Variants in CTNNA3 observed in about 807,000 individuals in gnomAD.
CTNNA3 encodes catenin alpha-3.
A neutral mutation model predicts 95.7 loss-of-function variants in CTNNA3; 76 were observed. The observed-to-expected ratio is 0.79, with a 90% CI of 0.66 to 0.96. CTNNA3 has a LOEUF of 0.96. CTNNA3 is among the 40% of genes least tolerant of loss of function. The probability of loss-of-function intolerance (pLI) is 0.00; values close to 1 mark genes in which losing one functional copy is unlikely to be tolerated. For synonymous variants in CTNNA3, 431 were observed against 374.4 expected (o/e 1.15, Z -1.74); for missense variants, 1,191 against 1,089.8 (o/e 1.09, Z -1.31).
At chr10:66,676,019 A>G (rs554276796) in intron 9 of CTNNA3, among the ~76,000 whole-genome samples, 4 of 152,218 alleles carry the variant, frequency 2.6e-5, no homozygotes, top group African/African-American at 9.6e-5. Context: ...TGTCTAAATC[A>G]TTGGAAGAAA....
At chr10:67,602,595 A>C (rs1843120719) in intron 3 of CTNNA3, among the ~76,000 whole-genome samples, 1 of 152,248 alleles carries the variant, frequency 6.6e-6, no homozygotes. Context: ...CCTGTACAGC[A>C]TAATCCTAGA....
At chr10:66,108,788 G>T (rs2082004767) in intron 13 of CTNNA3, among the ~76,000 whole-genome samples, 1 of 152,090 alleles carries the variant, frequency 6.6e-6, no homozygotes, top group Non-Finnish European at 1.5e-5. Context: ...ACAAGCTTTT[G>T]TTATTGATCA....
intron 7 of CTNNA3, among the ~76,000 whole-genome samples, chr10:66,958,262 T>C (rs888033521): frequency 6.7e-6 from 1 of 149,560 alleles, no homozygotes; most frequent in African/African-American, 2.5e-5. Context: ...TTAGCATTTA[T>C]TGGTTAACAA....
At chr10:66,276,733 G>A (rs4575151) in intron 13 of CTNNA3, among the ~76,000 whole-genome samples, 71,295 of 151,756 alleles carry the variant, frequency 0.47, 18,224 homozygotes, top group African/African-American at 0.69. Flanking sequence ...GTCAAGATAT[G>A]CAAAAATATT....
chr10:67,711,296 G>T (rs575304349), intron 1 of CTNNA3, among the ~76,000 whole-genome samples: 1 of 152,202 alleles, frequency 6.6e-6, no homozygotes, highest in Non-Finnish European at 1.5e-5. Context: ...AATAGGCAGA[G>T]GTTGGAACAG....
At chr10:67,738,688 G>T (rs1212585165) in intron 1 of CTNNA3, among the ~76,000 whole-genome samples, 1 of 143,218 alleles carries the variant, frequency 7.0e-6, no homozygotes, top group Non-Finnish European at 1.5e-5. Flanking sequence ...TTAAAACCTT[G>T]AAAAAAAAAA....
Position 67,014,841 on chromosome 10 carries a change from GA to G in CTNNA3, c.1047+165475del, listed in dbSNP as rs1235348075. Reference sequence around the variant, plus strand: ...ACATAGCTAAATGTTTACCAAGGTAGAAAAATGGTCAGAGAGATGTATACAT... The same window carrying G: ...ACATAGCTAAATGTTTACCAAGGTAGAAAATGGTCAGAGAGATGTATACAT... On this transcript the variant is annotated intron_variant, in intron 7 of 17. Coordinates refer to ENST00000433211, the MANE Select transcript of CTNNA3 (RefSeq NM_013266.4). 2.0e-5 allele frequency among the ~76,000 whole-genome samples: 3 copies of G among 152,020 alleles called. No individual in the cohort carries two copies. In the East Asian group the frequency reaches 5.8e-4, roughly 29 times the overall value.
intron 13 of CTNNA3, among the ~76,000 whole-genome samples, chr10:66,156,907 A>G (rs1327132860): frequency 6.6e-6 from 1 of 151,916 alleles, no homozygotes. Context: ...CCTTGTTCTG[A>G]CGTGTTTAAA....
intron 16 of CTNNA3, among the ~76,000 whole-genome samples, chr10:65,978,341 T>C (rs1403193818): frequency 6.6e-6 from 1 of 152,144 alleles, no homozygotes; most frequent in Non-Finnish European, 1.5e-5. Context: ...TAGATCTTTA[T>C]TGATTTTCAT....
chr10:66,245,725 T>C (rs2090291324), intron 13 of CTNNA3, among the ~76,000 whole-genome samples: 1 of 151,886 alleles, frequency 6.6e-6, no homozygotes, highest in South Asian at 2.1e-4. Context: ...CTGGAGTGGG[T>C]TGCTGTTCTC....
At chr10:67,180,645 C>T (rs1862492806) in intron 6 of CTNNA3, 125 bp from the exon 7 acceptor site, 4 of 732,526 alleles carry the variant, frequency 5.5e-6, no homozygotes, top group African/African-American at 1.8e-5. Flanking sequence ...TGTTTTACTG[C>T]CTCGGCTGGT....
intron 9 of CTNNA3, among the ~76,000 whole-genome samples, chr10:66,743,640 A>G (rs1022009214): frequency 1.3e-5 from 2 of 152,184 alleles, no homozygotes; most frequent in African/African-American, 4.8e-5. Context: ...AAAACTGTAT[A>G]GGAAGAATGC....
intron 9 of CTNNA3, among the ~76,000 whole-genome samples, chr10:66,748,123 T>C (rs989620541): frequency 2.0e-5 from 3 of 152,140 alleles, no homozygotes; most frequent in East Asian, 1.9e-4. Context: ...GCCAAACCTA[T>C]ACGAGGGAAT....
chr10:66,859,325 A>G (rs1208257138), intron 7 of CTNNA3, among the ~76,000 whole-genome samples: 1 of 151,744 alleles, frequency 6.6e-6, no homozygotes, highest in Non-Finnish European at 1.5e-5. Flanking sequence ...ACAAGAAAAA[A>G]ACAAACAACC....
intron 7 of CTNNA3, among the ~76,000 whole-genome samples, chr10:66,826,729 CTG>C (rs1473256578): frequency 6.6e-6 from 1 of 152,168 alleles, no homozygotes; most frequent in Non-Finnish European, 1.5e-5. Flanking sequence ...CTGTCTCTCA[CTG>C]TGATTGTATC....
intron 13 of CTNNA3, among the ~76,000 whole-genome samples, chr10:66,253,227 A>T (rs1169901975): frequency 1.3e-5 from 2 of 152,188 alleles, no homozygotes; most frequent in Non-Finnish European, 1.5e-5. Flanking sequence ...AACAATTTTG[A>T]TCAACTATGT....
chr10:67,136,921 A>C (rs1860331790), intron 7 of CTNNA3, among the ~76,000 whole-genome samples: 1 of 152,188 alleles, frequency 6.6e-6, no homozygotes, highest in South Asian at 2.1e-4. Context: ...GATGAGTATT[A>C]GTTCATTTTT....
chr10:67,395,045 A>C (rs1243810861), intron 5 of CTNNA3, among the ~76,000 whole-genome samples: 1 of 152,124 alleles, frequency 6.6e-6, no homozygotes. Context: ...ATTTATCTTA[A>C]ATAATTCTTA....
intron 7 of CTNNA3, among the ~76,000 whole-genome samples, chr10:66,985,195 C>T (rs1431293126): frequency 6.6e-6 from 1 of 152,118 alleles, no homozygotes. Context: ...GAGTAAAAAA[C>T]AAATCAGGTA....
Sources: gnomAD v4.1 joint callset for allele counts (sites outside exome capture counted in the v4.1 genomes callset) on GRCh38, gnomAD v4.1.1 for gene constraint, MANE v1.5 for transcripts, NCBI Gene and HGNC (gene_info 2026-07-23, HGNC 2026-07-21) for gene names.